Variants in UBIAD1 observed in about 807,000 individuals in gnomAD.
UBIAD1 encodes UbiA prenyltransferase domain containing 1, also known as ubiA prenyltransferase domain-containing protein 1.
A neutral mutation model predicts 20.1 loss-of-function variants in UBIAD1; 12 were observed. The ratio of observed to expected loss-of-function variants is 0.60; its 90% CI spans 0.38 to 0.97. The LOEUF (loss-of-function observed/expected upper bound fraction) is 0.97, where lower values mean the gene tolerates loss of function less well. Among genes scored for constraint, UBIAD1 ranks in the 50% least tolerant of loss-of-function variants. The pLI, the probability that UBIAD1 is intolerant of heterozygous loss-of-function variation, is 0.00. For missense variants in UBIAD1, 333 were observed against 419.5 expected (o/e 0.79, Z 1.80); for synonymous variants, 207 against 189.2 (o/e 1.09, Z -0.77).
At chr1:11,292,668 T>TACACACACACACAC (rs71568319), downstream of UBIAD1, among the ~76,000 whole-genome samples, 8 of 140,740 alleles carry the variant, frequency 5.7e-5, no homozygotes, top group South Asian at 7.1e-4. Context: ...ATTTTATGTA[T>TACACACACACACAC]ACACACACAC....
intron 1 of UBIAD1, among the ~76,000 whole-genome samples, chr1:11,276,054 A>G (rs966624622): frequency 6.6e-6 from 1 of 152,154 alleles, no homozygotes; most frequent in African/African-American, 2.4e-5. Context: ...ACTTTGAGCA[A>G]GGGAGTGATG....
chr1:11,288,911 C>CAA (rs111321614), downstream of UBIAD1, among the ~76,000 whole-genome samples: 5 of 138,022 alleles, frequency 3.6e-5, no homozygotes, highest in African/African-American at 8.0e-5. Flanking sequence ...GACACTGTCT[C>CAA]AAAAAAAAAA....
chr1:11,295,284 G>C, downstream of UBIAD1: 1 of 243,626 alleles, frequency 4.1e-6, no homozygotes, highest in East Asian at 9.6e-5. Context: ...TGGAAACCGA[G>C]GTGCTGATGG....
At chr1:11,294,136 T>C (rs1311647495) in intron 1 of UBIAD1, among the ~76,000 whole-genome samples, 1 of 152,202 alleles carries the variant, frequency 6.6e-6, no homozygotes, top group African/African-American at 2.4e-5. Flanking sequence ...GATGCTTAAA[T>C]ACATTCTTTT....
chr1:11,273,426 C>T lies in UBIAD1; in HGVS notation c.-106C>T, dbSNP rs1231756783. The T allele has an allele frequency of 6.2e-6, 9 of 1,446,872 alleles. No homozygotes were observed. The highest frequency in any genetic ancestry group is 8.6e-6 in the Non-Finnish European group (9 of 1,049,332). 89.6% of individuals were successfully genotyped at this position (1,446,872 alleles called of 1,614,324 possible). ...ACACCAGCCCTGTCCTGGGGCGGAA[C>T]CGAAGGAAGGTCGGGCCCTGCTGCC... On this transcript the variant is annotated 5_prime_UTR_variant, in exon 1 of 2. Transcript: ENST00000376810. This position sits in a 1 kb window ranked among gnomAD's most constrained non-coding sequence, Gnocchi z 4.9.
chr1:11,288,835 C>G (rs1638315135), downstream of UBIAD1, among the ~76,000 whole-genome samples: 1 of 152,072 alleles, frequency 6.6e-6, no homozygotes, highest in African/African-American at 2.4e-5. Context: ...TCGCTTGAAC[C>G]TAGCAGGTCG....
intron 1 of UBIAD1, among the ~76,000 whole-genome samples, chr1:11,284,184 A>G (rs1213512750): frequency 2.0e-5 from 3 of 152,210 alleles, no homozygotes; most frequent in Non-Finnish European, 4.4e-5. Context: ...AGGGGATCAA[A>G]TGTGGCTTAG....
chr1:11,292,579 A>G (rs575062029), downstream of UBIAD1, among the ~76,000 whole-genome samples: 1 of 151,930 alleles, frequency 6.6e-6, no homozygotes, highest in East Asian at 1.9e-4. Context: ...CCGTGTTGAC[A>G]TTTCTTCTTG....
chr1:11,285,879 G>T lies in UBIAD1; in HGVS notation c.765G>T (p.Thr255=), dbSNP rs777723270. The change falls in exon 2 of 2, where the codon ACG becomes ACT. Residue 255 remains threonine, a synonymous_variant. Transcript: ENST00000376810. This position sits in a 1 kb window ranked among gnomAD's most constrained non-coding sequence, Gnocchi z 4.4. ...IVTLAILIGP[T]FSYILYNTLL... is the part of the protein sequence containing the mutation. ...CGCTGGCCATCCTCATCGGCCCCAC[G>T]TTCTCCTACATTCTCTACAACACAC... 1 of 1,614,118 alleles carries T rather than the reference G, an allele frequency of 6.2e-7. No homozygotes were observed. Among genetic ancestry groups the T allele is most frequent in the Non-Finnish European group, 8.5e-7 (1 of 1,180,034 alleles).
chr1:11,274,700 C>G (rs979057347), intron 1 of UBIAD1, among the ~76,000 whole-genome samples: 1 of 152,020 alleles, frequency 6.6e-6, no homozygotes, highest in South Asian at 2.1e-4. Flanking sequence ...ACCTCTGTCT[C>G]CCGGCTTCAA....
At chr1:11,297,074 G>T (rs1352599645), downstream of UBIAD1, among the ~76,000 whole-genome samples, 1 of 152,202 alleles carries the variant, frequency 6.6e-6, no homozygotes, top group Non-Finnish European at 1.5e-5. Context: ...ATGATAGTAA[G>T]GGAGATAGAA....
intron 1 of UBIAD1, chr1:11,279,109 C>A (rs1395026813): frequency 4.8e-6 from 1 of 208,796 alleles, no homozygotes; most frequent in African/African-American, 2.3e-5. Context: ...CGTGATCTGC[C>A]CTCCTTGGCC....
chr1:11,277,114 G>A (rs2101016018), intron 1 of UBIAD1, among the ~76,000 whole-genome samples: 1 of 152,074 alleles, frequency 6.6e-6, no homozygotes, highest in Admixed American at 6.6e-5. Flanking sequence ...GTGCATGCCT[G>A]TAGTCCCAGC....
intron 1 of UBIAD1, among the ~76,000 whole-genome samples, chr1:11,277,618 A>AC (rs1186753623): frequency 6.6e-6 from 1 of 151,930 alleles, no homozygotes; most frequent in Non-Finnish European, 1.5e-5. Flanking sequence ...GCTCTCTTTC[A>AC]CTAAGCAAGA....
chr1:11,275,120 G>A (rs1029768027), intron 1 of UBIAD1, among the ~76,000 whole-genome samples: 1 of 152,210 alleles, frequency 6.6e-6, no homozygotes, highest in Non-Finnish European at 1.5e-5. Flanking sequence ...TTATGTGCCA[G>A]GCACTGTTCT....
rs1638229888 is a variant in UBIAD1 at position 11,285,024 on chromosome 1, G to A, written c.530-620G>A. 3.3e-5 allele frequency among the ~76,000 whole-genome samples: 5 copies of A among 152,320 alleles called. No individual in the cohort carries two copies. In the South Asian group the frequency reaches 1.0e-3, roughly 32 times the overall value. On this transcript the variant is annotated intron_variant, in intron 1 of 1. Transcript: ENST00000376810. This position sits in a 1 kb window ranked among gnomAD's most constrained non-coding sequence, Gnocchi z 4.4. ...ATGAGCAGGACAGAAACAGGAGGTA[G>A]GGGTGGTTTAGTTTCAATCTCATAG...
At chr1:11,297,876 T>C (rs912886114), downstream of UBIAD1, among the ~76,000 whole-genome samples, 11 of 152,310 alleles carry the variant, frequency 7.2e-5, no homozygotes, top group African/African-American at 2.6e-4. Context: ...TCCAGGTTCA[T>C]TCAACAAGGG....
rs189790977 is a variant in UBIAD1 at position 11,277,781 on chromosome 1, A to T, written c.529+3721A>T. On this transcript the variant is annotated intron_variant, in intron 1 of 1. Coordinates refer to ENST00000376810, the MANE Select transcript of UBIAD1 (RefSeq NM_013319.3). ...TGCCTCCGCCTCCCAAGTAGCTGGG[A>T]TTACAGGCATGGGCCACCACGCCCT... Among the ~76,000 whole-genome samples, 15 of 152,162 alleles carry T rather than the reference A, an allele frequency of 9.9e-5. No individual in the cohort carries two copies. In the East Asian group the frequency reaches 2.9e-3, roughly 29 times the overall value.
At chr1:11,276,869 T>C (rs75568386) in intron 1 of UBIAD1, among the ~76,000 whole-genome samples, 2 of 151,998 alleles carry the variant, frequency 1.3e-5, no homozygotes, top group African/African-American at 4.8e-5. Flanking sequence ...TTTTTTATTA[T>C]AAGATAGGTA....
Sources: gnomAD v4.1 joint callset for allele counts (sites outside exome capture counted in the v4.1 genomes callset) on GRCh38, gnomAD v4.1.1 for gene constraint, Gnocchi (gnomAD v3.1) non-coding constraint, MANE v1.5 for transcripts, NCBI Gene and HGNC (gene_info 2026-07-23, HGNC 2026-07-21) for gene names.